Variants in RPRD2 observed in about 807,000 individuals in gnomAD.
RPRD2 encodes regulation of nuclear pre-mRNA domain-containing protein 2.
Under a neutral mutation model 104.4 loss-of-function variants are expected in RPRD2, and 12 were observed. The ratio of observed to expected loss-of-function variants is 0.11; its 90% confidence interval spans 0.07 to 0.19. The LOEUF is 0.19. Ranked by LOEUF, RPRD2 falls within the 10% of genes least tolerant of loss-of-function variation. The pLI, the probability that RPRD2 is intolerant of heterozygous loss-of-function variation, is 1.00. For missense variants in RPRD2, 1,543 were observed against 1,790.1 expected, an observed-to-expected ratio of 0.86 and a Z score of 2.49; for synonymous variants, 714 against 684.9, an observed-to-expected ratio of 1.04 and a Z score of -0.66.
At chr1:150,369,615 C>T (rs587706693) in intron 1 of RPRD2, among the ~76,000 whole-genome samples, 1 of 86,070 alleles carries the variant, frequency 1.2e-5, no homozygotes, top group South Asian at 3.2e-4. Flanking sequence ...CGTCACCGCG[C>T]CCAGCTAATT....
In RPRD2 at chr1:150,471,735, A is replaced by G; in HGVS notation, c.2787A>G (p.Pro929=). ...ATGAACCTGGGTCTGACCGGTCACC[A>G]TCACCGAGTAAGAATGATTCATTTT... is the stretch of plus-strand genomic sequence containing the variant. ...RGNEPGSDRS[P]SPSKNDSFFT... is the part of the protein sequence containing the mutation. The change falls in exon 11 of 11, where the codon CCA becomes CCG. Residue 929 remains proline, a synonymous_variant. Transcript: ENST00000369068. This position sits in a 1 kb window ranked among gnomAD's most constrained non-coding sequence, Gnocchi z 5.3. The G allele has an allele frequency of 6.2e-7, 1 of 1,613,910 alleles. No homozygotes were observed. The highest frequency in any genetic ancestry group is 1.1e-5 in the South Asian group (1 of 91,078).
chr1:150,444,189 GA>G, intron 5 of RPRD2, 61 bp from the exon 6 acceptor site: 1 of 1,493,890 alleles, frequency 6.7e-7, no homozygotes, highest in Admixed American at 1.9e-5. Flanking sequence ...AAAATGAGGA[GA>G]GAGAGAATGA....
intron 7 of RPRD2, among the ~76,000 whole-genome samples, chr1:150,456,227 T>C (rs1667514545): frequency 6.6e-6 from 1 of 152,080 alleles, no homozygotes; most frequent in African/African-American, 2.4e-5. Flanking sequence ...TTGCTGTATC[T>C]CCAGTACCTA....
intron 1 of RPRD2, among the ~76,000 whole-genome samples, chr1:150,375,570 T>C (rs782419370): frequency 2.0e-5 from 3 of 152,200 alleles, no homozygotes; most frequent in Admixed American, 2.0e-4. Context: ...TTTGTTGTTA[T>C]CAGCTTCCTT....
intron 1 of RPRD2, among the ~76,000 whole-genome samples, chr1:150,368,995 G>T (rs1407900138): frequency 2.0e-5 from 3 of 152,112 alleles, no homozygotes; most frequent in African/African-American, 4.8e-5. Flanking sequence ...CACGTTTATT[G>T]TCTGGCTTCC....
rs747119137 is a variant in RPRD2, at chr1:150,471,878, C to T, written c.2930C>T (p.Pro977Leu). ...HPVPHRSLFS[P>L]QNTLAAPTGH... is the part of the protein sequence containing the mutation. ...GTCCCACATCGTTCCCTTTTCTCTC[C>T]GCAGAACACCCTTGCCGCTCCCACG... The change falls in exon 11 of 11, where the codon CCG becomes CTG. Residue 977 changes from proline to leucine, a missense_variant. By Grantham distance (98) the Pro-to-Leu change is moderately conservative. Coordinates refer to ENST00000369068, the MANE Select transcript of RPRD2 (RefSeq NM_015203.5). This position sits in a 1 kb window ranked among gnomAD's most constrained non-coding sequence, Gnocchi z 5.3. The T allele has an allele frequency of 5.8e-5, 93 of 1,613,888 alleles. No homozygotes were observed. Among genetic ancestry groups the T allele is most frequent in the African/African-American group, 6.7e-5 (5 of 74,918 alleles).
intron 1 of RPRD2, among the ~76,000 whole-genome samples, chr1:150,409,616 G>GT (rs1280698775): frequency 6.7e-6 from 1 of 149,982 alleles, no homozygotes; most frequent in Non-Finnish European, 1.5e-5. Context: ...AAGAAGGGTG[G>GT]TAAGAGTGTT....
In RPRD2 at chr1:150,364,685, G is replaced by A. The variant is rs1263830993; in HGVS notation, c.-30G>A. 2.2e-6 allele frequency: 3 copies of A among 1,357,524 alleles called. No homozygotes were observed. Among genetic ancestry groups the A allele is most frequent in the African/African-American group, 1.5e-5 (1 of 66,876 alleles). 84.1% of individuals were successfully genotyped at this position (1,357,524 alleles called of 1,614,324 possible). A position where few individuals can be genotyped will look rare whatever the true frequency, so the allele number is the denominator to read the frequency against. Reference sequence around the variant, plus strand: ...CGCCGCCGCCGCCGCCGCCGCCAGAGGAGCAGCAGCGCTTGTGCAAACCGG... The same window carrying A: ...CGCCGCCGCCGCCGCCGCCGCCAGAAGAGCAGCAGCGCTTGTGCAAACCGG... On this transcript the variant is annotated 5_prime_UTR_variant, in exon 1 of 11. Transcript: ENST00000369068.
chr1:150,438,502 G>A (rs7538981), intron 2 of RPRD2, among the ~76,000 whole-genome samples: 49,838 of 151,372 alleles, frequency 0.33, 8,908 homozygotes, highest in Non-Finnish European at 0.4. Context: ...GGTGGCAGGC[G>A]CCTATAATCC....
intron 8 of RPRD2, among the ~76,000 whole-genome samples, chr1:150,459,323 T>C (rs1056825976): frequency 6.6e-6 from 1 of 152,104 alleles, no homozygotes; most frequent in Admixed American, 6.5e-5. Context: ...CACCCCCCAA[T>C]AGGGCAATTT....
At chr1:150,418,412 CA>C (rs1553889015) in intron 2 of RPRD2, among the ~76,000 whole-genome samples, 1 of 152,160 alleles carries the variant, frequency 6.6e-6, no homozygotes, top group Non-Finnish European at 1.5e-5. Context: ...TGTTTTAACA[CA>C]TTTCATTTCT....
At chr1:150,421,262 T>A (rs1007234918) in intron 2 of RPRD2, among the ~76,000 whole-genome samples, 5 of 152,182 alleles carry the variant, frequency 3.3e-5, no homozygotes, top group Non-Finnish European at 7.3e-5. Flanking sequence ...AAGAAAGATT[T>A]ATCTTGCAAG....
intron 1 of RPRD2, among the ~76,000 whole-genome samples, chr1:150,384,330 AG>A (rs587697808): frequency 2.0e-4 from 30 of 152,140 alleles, no homozygotes; most frequent in African/African-American, 7.2e-4. Flanking sequence ...AACAGGTGAA[AG>A]AAGACATCCG....
chr1:150,401,135 C>T (rs1446007264), intron 1 of RPRD2, among the ~76,000 whole-genome samples: 1 of 151,968 alleles, frequency 6.6e-6, no homozygotes, highest in Non-Finnish European at 1.5e-5. Context: ...CGAGATCACG[C>T]CACTGCACTC....
chr1:150,472,388 A>G lies in RPRD2; in HGVS notation c.3440A>G (p.Glu1147Gly). The G allele has an allele frequency of 1.2e-6, 2 of 1,613,958 alleles. No homozygotes were observed. The highest frequency in any genetic ancestry group is 1.7e-6 in the Non-Finnish European group (2 of 1,179,872). The stretch of plus-strand genomic sequence containing the variant: ...GACAATGGCCCTTCAAGTGCCTCTG[A>G]GTTGGCATCCCTTGGGGGTGGGGGC... Reference protein sequence around the residue: ...SFDNGPSSASELASLGGGGSG... With the variant: ...SFDNGPSSASGLASLGGGGSG... Residue 1147 changes from glutamate to glycine, a missense_variant, in exon 11 of 11, where the codon GAG becomes GGG. Around this residue, in one of 4 missense-constraint regions of RPRD2, gnomAD observed 880 missense variants for 885.6 expected, o/e 0.99. Transcript: ENST00000369068.
chr1:150,395,029 TG>T (rs1336810132), intron 1 of RPRD2, among the ~76,000 whole-genome samples: 1 of 152,202 alleles, frequency 6.6e-6, no homozygotes, highest in Admixed American at 6.5e-5. Flanking sequence ...CATAGGTTAT[TG>T]GGAAACAGGT....
chr1:150,440,067 TC>T (rs782045756), intron 2 of RPRD2, among the ~76,000 whole-genome samples: 5 of 152,120 alleles, frequency 3.3e-5, no homozygotes, highest in Non-Finnish European at 5.9e-5. Context: ...TGCCTCAGAC[TC>T]CCATGTAGCG....
intron 2 of RPRD2, 23 bp downstream of exon 2, chr1:150,417,748 A>G: frequency 6.5e-7 from 1 of 1,547,474 alleles, no homozygotes; most frequent in Non-Finnish European, 8.8e-7. Context: ...TTATTGCTCT[A>G]TGGGATCTAA....
rs1668701211 is a variant in RPRD2 at position 150,473,019 on chromosome 1, C to T, written c.4071C>T (p.Leu1357=). 1.9e-6 allele frequency: 3 copies of T among 1,614,026 alleles called. No homozygotes were observed. The East Asian group carries it at 6.7e-5, about 36-fold the overall frequency. The change falls in exon 11 of 11, where the codon CTC becomes CTT. Residue 1357 remains leucine, a synonymous_variant. Transcript: ENST00000369068. ...ACGGGGGCCCCACCCAACGGGACCT[C>T]AACGGCCCTGGCCTTAGCCGTGTAC... ...RDHGGPTQRD[L]NGPGLSRVRE... is the part of the protein sequence containing the mutation.
Sources: allele counts gnomAD v4.1 joint callset (sites outside exome capture counted in the v4.1 genomes callset), GRCh38; gene constraint gnomAD v4.1.1; regional missense constraint gnomAD v4.1.1; non-coding constraint Gnocchi (gnomAD v3.1); transcripts MANE v1.5; gene names NCBI Gene and HGNC (gene_info 2026-07-23, HGNC 2026-07-21).